The following C1orf21 variants were observed in gnomAD, a reference collection of about 807,000 sequenced individuals.
C1orf21 encodes uncharacterized protein C1orf21.
In C1orf21, 3 loss-of-function variants were observed where a neutral mutation model predicts 18.7. The ratio of observed to expected loss-of-function variants is 0.16; its 90% CI spans 0.07 to 0.42. C1orf21 has a LOEUF of 0.42. Among genes scored for constraint, C1orf21 ranks in the 10% least tolerant of loss-of-function variants. C1orf21 has a pLI of 0.99. For synonymous variants in C1orf21, 41 were observed against 46.4 expected (o/e 0.88, Z 0.47); for missense variants, 104 against 143.6 (o/e 0.72, Z 1.41).
Position 184,582,000 on chromosome 1 carries a change from T to TA in C1orf21, c.190-8738dup, listed in dbSNP as rs528978988. 9.5e-4 allele frequency among the ~76,000 whole-genome samples: 145 copies of TA among 152,344 alleles called. 1 individual carries two copies. Among genetic ancestry groups the TA allele is most frequent in the Non-Finnish European group, 1.6e-3 (111 of 68,034 alleles). On this transcript the variant is annotated intron_variant, in intron 3 of 5. Coordinates refer to ENST00000235307, the MANE Select transcript of C1orf21 (RefSeq NM_030806.4). ...TGTGGACAGGTAATTGTAATGGAAG[T>TA]ATTGACTTCAGGTAATTGTATTGAT... is the stretch of plus-strand genomic sequence containing the variant.
intron 3 of C1orf21, among the ~76,000 whole-genome samples, chr1:184,579,223 G>A (rs1337780691): frequency 8.9e-6 from 1 of 111,994 alleles, no homozygotes; most frequent in Non-Finnish European, 1.9e-5. Context: ...TTTTTTTTTT[G>A]GTATTTTTAG....
chr1:184,536,814 G>A (rs1408428253), intron 3 of C1orf21, among the ~76,000 whole-genome samples: 2 of 149,064 alleles, frequency 1.3e-5, no homozygotes, highest in African/African-American at 2.5e-5. Context: ...TGTAAATTTC[G>A]ACAGCATAGT....
chr1:184,445,165 C>G (rs1316720281), intron 1 of C1orf21, among the ~76,000 whole-genome samples: 1 of 152,178 alleles, frequency 6.6e-6, no homozygotes, highest in East Asian at 1.9e-4. Context: ...TTGCAGAGGA[C>G]TGACGTTAGT....
intron 1 of C1orf21, among the ~76,000 whole-genome samples, chr1:184,476,648 A>G (rs1254385817): frequency 6.6e-6 from 1 of 152,198 alleles, no homozygotes; most frequent in Admixed American, 6.5e-5. Flanking sequence ...AGAAATCGGT[A>G]GAAGCATGAA....
Position 184,621,445 on chromosome 1 carries a change from T to G in C1orf21, c.*1889T>G, listed in dbSNP as rs1659914823. On this transcript the variant is annotated 3_prime_UTR_variant, in exon 6 of 6. Transcript: ENST00000235307. The stretch of plus-strand genomic sequence containing the variant: ...TTCAGGTTGCCTCCCCTCATATGGT[T>G]TTTGGCCAAGTGACTAAAACAGTTT... 2 of 152,588 alleles carry G rather than the reference T, an allele frequency of 1.3e-5. No individual in the cohort carries two copies. Among genetic ancestry groups the G allele is most frequent in the Admixed American group, 1.3e-4 (2 of 15,286 alleles). 9.5% of individuals were successfully genotyped at this position (152,588 alleles called of 1,614,324 possible).
chr1:184,470,601 A>G (rs755766296), intron 1 of C1orf21, among the ~76,000 whole-genome samples: 8 of 152,184 alleles, frequency 5.3e-5, no homozygotes, highest in Non-Finnish European at 1.0e-4. Flanking sequence ...GAAGAAGGCC[A>G]GGTGTGGCGG....
chr1:184,427,438 T>A (rs957312916), intron 1 of C1orf21, among the ~76,000 whole-genome samples: 10 of 152,208 alleles, frequency 6.6e-5, no homozygotes, highest in African/African-American at 2.4e-4. Flanking sequence ...TTGCTTTTTT[T>A]TTCCCCCAAT....
At chr1:184,538,091 A>G (rs978496956) in intron 3 of C1orf21, among the ~76,000 whole-genome samples, 2 of 149,934 alleles carry the variant, frequency 1.3e-5, no homozygotes, top group Non-Finnish European at 3.0e-5. Flanking sequence ...ACAGTGTACA[A>G]GAATTCTAGT....
chr1:184,451,381 C>G (rs1383941247), intron 1 of C1orf21, among the ~76,000 whole-genome samples: 1 of 152,002 alleles, frequency 6.6e-6, no homozygotes, highest in African/African-American at 2.4e-5. Context: ...GCCCCGACCT[C>G]CTGGGCTCAA....
chr1:184,474,376 A>G (rs956477971), intron 1 of C1orf21, among the ~76,000 whole-genome samples: 1 of 152,062 alleles, frequency 6.6e-6, no homozygotes, highest in African/African-American at 2.4e-5. Flanking sequence ...CCTCACCCCA[A>G]TGCTTGAATA....
intron 1 of C1orf21, among the ~76,000 whole-genome samples, chr1:184,396,362 A>G (rs1012770269): frequency 2.1e-4 from 32 of 152,102 alleles, no homozygotes; most frequent in African/African-American, 7.5e-4. Context: ...GAAAATGGAG[A>G]AAGGGGACAG....
At chr1:184,412,155 G>A (rs1326755994) in intron 1 of C1orf21, 1 of 152,176 alleles carries the variant, frequency 6.6e-6, no homozygotes, top group East Asian at 1.9e-4. Context: ...CTAAAACAAG[G>A]ATTTTCTTAG....
At position 184,477,582 on chromosome 1, in the gene C1orf21, C is replaced by G; in HGVS notation, c.73C>G (p.Gln25Glu). The G allele has an allele frequency of 1.2e-6, 2 of 1,613,962 alleles. No homozygotes were observed. Among genetic ancestry groups the G allele is most frequent in the Non-Finnish European group, 1.7e-6 (2 of 1,179,896 alleles). The change falls in exon 2 of 6, where the codon CAG becomes GAG. Residue 25 changes from glutamine to glutamate, a missense_variant. Coordinates refer to ENST00000235307, the MANE Select transcript of C1orf21 (RefSeq NM_030806.4). The stretch of plus-strand genomic sequence containing the variant: ...GGAAGCCCAGAAAGGGAAAAACTAC[C>G]AGAACGGAGATGTGTTTGGCGGTGA... ...EEEAQKGKNY[Q>E]NGDVFGDEYR... is the part of the protein sequence containing the mutation.
intron 4 of C1orf21, among the ~76,000 whole-genome samples, chr1:184,592,787 T>C (rs1659457876): frequency 6.6e-6 from 1 of 151,544 alleles, no homozygotes; most frequent in African/African-American, 2.4e-5. Context: ...GTCTGTGGAG[T>C]CGCTGCAGCT....
In C1orf21 at chr1:184,489,998, G is replaced by T. The variant is rs531336194; in HGVS notation, c.94+12395G>T. Among the ~76,000 whole-genome samples, 3 of 152,280 alleles carry T rather than the reference G, an allele frequency of 2.0e-5. No individual in the cohort carries two copies. In the South Asian group the frequency reaches 6.2e-4, roughly 32 times the overall value. On this transcript the variant is annotated intron_variant, in intron 2 of 5. Coordinates refer to ENST00000235307, the MANE Select transcript of C1orf21 (RefSeq NM_030806.4). ...AATTCAAATGTTTCCATCTCCAGAA[G>T]GCCTTTAGTTGTGTTTTCAGGGCAA...
chr1:184,568,076 T>G (rs1390426804), intron 3 of C1orf21, among the ~76,000 whole-genome samples: 1 of 152,192 alleles, frequency 6.6e-6, no homozygotes, highest in Non-Finnish European at 1.5e-5. Flanking sequence ...TCCCATTCCA[T>G]GTTCACCATT....
At chr1:184,518,666 GAACACAGTGTTAGT>G (rs1457229094) in intron 3 of C1orf21, among the ~76,000 whole-genome samples, 1 of 152,006 alleles carries the variant, frequency 6.6e-6, no homozygotes, top group East Asian at 1.9e-4. Context: ...ATATTCAGGT[GAACACAGTGTTAGT>G]GTCCCAGTAC....
chr1:184,536,861 AG>A (rs1465864171), intron 3 of C1orf21, among the ~76,000 whole-genome samples: 1 of 151,596 alleles, frequency 6.6e-6, no homozygotes, highest in Non-Finnish European at 1.5e-5. Context: ...AAAAAAAAAA[AG>A]ATTACTTTCC....
In C1orf21 at chr1:184,565,905, T is replaced by C. The variant is rs1332078205; in HGVS notation, c.190-24834T>C. ...GTAAATATTTTAACCAATCTGTGTA[T>C]GTAAATTTTCTGTTTAATGTTGATT... On this transcript the variant is annotated intron_variant, in intron 3 of 5. Transcript: ENST00000235307. Among the ~76,000 whole-genome samples the C allele has an allele frequency of 3.9e-5, 6 of 152,270 alleles. No homozygotes were observed. The East Asian group carries it at 1.2e-3, about 29-fold the overall frequency.
Sources: allele counts gnomAD v4.1 joint callset (sites outside exome capture counted in the v4.1 genomes callset), GRCh38; gene constraint gnomAD v4.1.1; transcripts MANE v1.5; gene names NCBI Gene and HGNC (gene_info 2026-07-23, HGNC 2026-07-21).